Variants in NLGN1 observed in about 807,000 individuals in gnomAD.
NLGN1 encodes the protein neuroligin-1.
In NLGN1, 12 loss-of-function variants were observed where a neutral mutation model predicts 65.5. The observed-to-expected ratio is 0.18, with a 90% CI of 0.12 to 0.30. NLGN1 has a LOEUF of 0.30. Ranked by LOEUF, NLGN1 falls within the 10% of genes least tolerant of loss-of-function variation. The pLI is 1.00. For missense variants in NLGN1, 750 were observed against 1,007.1 expected, an observed-to-expected ratio of 0.74 and a Z score of 3.46; for synonymous variants, 350 against 359.5, an observed-to-expected ratio of 0.97 and a Z score of 0.30.
At chr3:173,639,274 C>T (rs532023691) in intron 3 of NLGN1, among the ~76,000 whole-genome samples, 21 of 152,286 alleles carry the variant, frequency 1.4e-4, no homozygotes, top group African/African-American at 5.1e-4. Flanking sequence ...TGGAATGAGG[C>T]AGTCATTTGG....
intron 4 of NLGN1, among the ~76,000 whole-genome samples, chr3:174,001,823 G>C (rs1049770382): frequency 5.9e-5 from 9 of 152,082 alleles, no homozygotes; most frequent in African/African-American, 2.2e-4. Context: ...AATTTTGCTT[G>C]TTAGGGGACA....
chr3:173,714,419 A>G (rs1251786636), intron 3 of NLGN1, among the ~76,000 whole-genome samples: 1 of 152,104 alleles, frequency 6.6e-6, no homozygotes, highest in African/African-American at 2.4e-5. Context: ...CTATTATTAT[A>G]TTGGATTAAT....
intron 4 of NLGN1, among the ~76,000 whole-genome samples, chr3:174,048,492 A>G (rs1560919719): frequency 2.0e-5 from 3 of 152,082 alleles, no homozygotes; most frequent in Admixed American, 1.3e-4. Context: ...AAAAACTTTA[A>G]GGAGACAGTT....
chr3:173,850,107 C>T (rs1010716954), intron 4 of NLGN1, among the ~76,000 whole-genome samples: 2 of 152,084 alleles, frequency 1.3e-5, no homozygotes, highest in South Asian at 2.1e-4. Flanking sequence ...TCTCACCATT[C>T]ATAGGCAGCC....
chr3:174,129,140 T>C (rs890600412), intron 4 of NLGN1, among the ~76,000 whole-genome samples: 3 of 152,076 alleles, frequency 2.0e-5, no homozygotes, highest in Admixed American at 2.0e-4. Flanking sequence ...TTGCCACTCC[T>C]TACCAAACCC....
intron 4 of NLGN1, among the ~76,000 whole-genome samples, chr3:173,829,262 T>G (rs1035309681): frequency 3.3e-5 from 5 of 152,128 alleles, no homozygotes; most frequent in African/African-American, 1.2e-4. Flanking sequence ...AGATTAAATT[T>G]GAAATGCCTA....
intron 2 of NLGN1, among the ~76,000 whole-genome samples, chr3:173,506,384 A>G (rs975750709): frequency 6.6e-6 from 1 of 152,024 alleles, no homozygotes; most frequent in African/African-American, 2.4e-5. Context: ...GTTTTTTTTA[A>G]CTGTCAAGAT....
At chr3:174,245,844 C>T (rs1465278098) in intron 4 of NLGN1, among the ~76,000 whole-genome samples, 1 of 152,094 alleles carries the variant, frequency 6.6e-6, no homozygotes, top group African/African-American at 2.4e-5. Flanking sequence ...TGAAAGTCTC[C>T]TATTAGATGG....
intron 3 of NLGN1, among the ~76,000 whole-genome samples, chr3:173,658,215 A>C (rs1317649316): frequency 6.6e-6 from 1 of 151,970 alleles, no homozygotes; most frequent in Admixed American, 6.6e-5. Flanking sequence ...GGGTCTTTGC[A>C]GATAGATGTC....
At chr3:174,215,885 A>G (rs1737501133) in intron 4 of NLGN1, among the ~76,000 whole-genome samples, 1 of 152,058 alleles carries the variant, frequency 6.6e-6, no homozygotes, top group South Asian at 2.1e-4. Flanking sequence ...TCCCAGTGGG[A>G]CAACCTTCCT....
At chr3:173,803,648 A>G (rs1396473945) in intron 3 of NLGN1, among the ~76,000 whole-genome samples, 1 of 136,612 alleles carries the variant, frequency 7.3e-6, no homozygotes, top group Non-Finnish European at 1.5e-5. Context: ...TATATAGTTC[A>G]AGACAATTTT....
intron 3 of NLGN1, among the ~76,000 whole-genome samples, chr3:173,609,071 G>T (rs550541883): frequency 6.6e-6 from 1 of 151,814 alleles, no homozygotes; most frequent in African/African-American, 2.4e-5. Flanking sequence ...TGTGAGAGTC[G>T]CTAACAAACA....
intron 4 of NLGN1, among the ~76,000 whole-genome samples, chr3:174,133,597 C>A (rs749886648): frequency 6.6e-6 from 1 of 151,990 alleles, no homozygotes; most frequent in Non-Finnish European, 1.5e-5. Context: ...TTTGACAATC[C>A]GAGTTACGCA....
intron 4 of NLGN1, among the ~76,000 whole-genome samples, chr3:174,194,914 T>A (rs1733132694): frequency 1.4e-5 from 2 of 143,788 alleles, no homozygotes; most frequent in African/African-American, 5.1e-5. Flanking sequence ...CAGGCTGGAG[T>A]GCAATGGCAC....
At chr3:174,254,306 A>ATTTTTTTTTTTT (rs371427726) in intron 4 of NLGN1, among the ~76,000 whole-genome samples, 23 of 113,754 alleles carry the variant, frequency 2.0e-4, no homozygotes, top group African/African-American at 2.8e-4. Flanking sequence ...GTCCTTTTTA[A>ATTTTTTTTTTTT]TTTTTTTTTT....
chr3:174,000,841 CAT>C (rs1259360790), intron 4 of NLGN1, among the ~76,000 whole-genome samples: 1 of 152,130 alleles, frequency 6.6e-6, no homozygotes, highest in African/African-American at 2.4e-5. Context: ...CATATCCAGA[CAT>C]GTGTCAGATT....
intron 4 of NLGN1, among the ~76,000 whole-genome samples, chr3:173,984,785 C>T (rs1356915820): frequency 2.6e-5 from 4 of 152,034 alleles, no homozygotes; most frequent in South Asian, 2.1e-4. Flanking sequence ...GGCTCACATC[C>T]GTAATCCCAG....
At chr3:173,471,412 T>G (rs1029149253) in intron 2 of NLGN1, among the ~76,000 whole-genome samples, 5 of 152,124 alleles carry the variant, frequency 3.3e-5, no homozygotes, top group Non-Finnish European at 7.4e-5. Flanking sequence ...TTGGCATTCC[T>G]TGGCTTGTAG....
At chr3:174,091,293 T>G (rs1744474243) in intron 4 of NLGN1, among the ~76,000 whole-genome samples, 2 of 152,192 alleles carry the variant, frequency 1.3e-5, no homozygotes, top group African/African-American at 4.8e-5. Context: ...GTTTCTATAT[T>G]TATTCAAAAA....
Sources: gnomAD v4.1 joint callset for allele counts (sites outside exome capture counted in the v4.1 genomes callset) on GRCh38, gnomAD v4.1.1 for gene constraint, MANE v1.5 for transcripts, NCBI Gene and HGNC (gene_info 2026-07-23, HGNC 2026-07-21) for gene names.